The following CLEC3B variants were observed in gnomAD, a reference collection of about 807,000 sequenced individuals.
The protein encoded by CLEC3B is C-type lectin domain family 3 member B.
CLEC3B carries 13 observed loss-of-function variants against 15.4 expected under a neutral mutation model. The ratio of observed to expected loss-of-function variants is 0.84; its 90% confidence interval spans 0.55 to 1.34. The LOEUF is 1.34. CLEC3B is among the 40% of genes most tolerant of loss of function. The probability of loss-of-function intolerance (pLI) is 0.00; values close to 1 mark genes in which losing one functional copy is unlikely to be tolerated. For synonymous variants in CLEC3B, 112 were observed against 114.7 expected (o/e 0.98, Z 0.15); for missense variants, 242 against 268.6 (o/e 0.90, Z 0.69).
At chr3:45,031,034 A>G in intron 2 of CLEC3B, 109 bp downstream of exon 2, 1 of 748,220 alleles carries the variant, frequency 1.3e-6, no homozygotes, top group Non-Finnish European at 2.2e-6. Context: ...TCCTGGCTCC[A>G]TTAGTCCAGG....
chr3:45,035,893 T>C lies in CLEC3B; in HGVS notation c.578T>C (p.Leu193Pro). 4 of 1,584,220 alleles carry C rather than the reference T, an allele frequency of 2.5e-6. No individual in the cohort carries two copies. Among genetic ancestry groups the C allele is most frequent in the Non-Finnish European group, 3.4e-6 (4 of 1,163,422 alleles). Residue 193 changes from leucine to proline, a missense_variant, in exon 3 of 3, where the codon CTG becomes CCG. Transcript: ENST00000296130. ...TTCGACAAGCGCTGCCGCGATCAGC[T>C]GCCCTACATCTGCCAGTTCGGGATC... is the stretch of plus-strand genomic sequence containing the variant. Reference protein sequence around the residue: ...KWFDKRCRDQLPYICQFGIV With the variant: ...KWFDKRCRDQPPYICQFGIV
chr3:45,028,282 G>A (rs1286550395), intron 1 of CLEC3B, among the ~76,000 whole-genome samples: 5 of 152,230 alleles, frequency 3.3e-5, no homozygotes, highest in African/African-American at 4.8e-5. Flanking sequence ...TTGGCCAGGC[G>A]TGGTGGCTCA....
chr3:45,029,914 C>T (rs6792742), intron 1 of CLEC3B, among the ~76,000 whole-genome samples: 72,146 of 152,012 alleles, frequency 0.47, 17,789 homozygotes, highest in East Asian at 0.84. Flanking sequence ...GTTAGGAATC[C>T]GTTTGTGTGC....
At chr3:45,033,476 T>C (rs1349727166) in intron 2 of CLEC3B, among the ~76,000 whole-genome samples, 1 of 152,132 alleles carries the variant, frequency 6.6e-6, no homozygotes, top group East Asian at 1.9e-4. Context: ...GGGGGCAACC[T>C]TTCCCTCCTC....
At chr3:45,033,512 C>T (rs1697595040) in intron 2 of CLEC3B, among the ~76,000 whole-genome samples, 2 of 152,088 alleles carry the variant, frequency 1.3e-5, no homozygotes, top group South Asian at 4.1e-4. Context: ...TGGGAGGTTC[C>T]CACCTGGTAC....
intron 1 of CLEC3B, among the ~76,000 whole-genome samples, chr3:45,029,431 G>A (rs1697525447): frequency 1.3e-5 from 2 of 152,202 alleles, no homozygotes; most frequent in South Asian, 4.1e-4. Context: ...GTACAGTGCT[G>A]CTATAACTGG....
At chr3:45,035,077 G>C (rs1039830442) in intron 2 of CLEC3B, among the ~76,000 whole-genome samples, 28 of 152,216 alleles carry the variant, frequency 1.8e-4, no homozygotes, top group African/African-American at 6.8e-4. Context: ...AATTTGTTAG[G>C]GTGAGCCCTA....
intron 1 of CLEC3B, among the ~76,000 whole-genome samples, chr3:45,027,376 A>G (rs928089477): frequency 6.6e-6 from 1 of 152,206 alleles, no homozygotes; most frequent in African/African-American, 2.4e-5. Context: ...AGTGCAGTGC[A>G]TAAAGGGACA....
intron 1 of CLEC3B, among the ~76,000 whole-genome samples, chr3:45,028,348 G>C (rs2125979401): frequency 1.3e-5 from 2 of 152,320 alleles, no homozygotes; most frequent in Middle Eastern, 6.8e-3. Flanking sequence ...TTGAGGCCAG[G>C]AGTTCAAGAC....
intron 2 of CLEC3B, chr3:45,034,491 C>T (rs1009731142): frequency 2.0e-5 from 3 of 152,194 alleles, no homozygotes; most frequent in African/African-American, 7.2e-5. Context: ...AGCAAGAGGA[C>T]AAATGCAGAC....
At chr3:45,034,151 T>C (rs1697604196) in intron 2 of CLEC3B, among the ~76,000 whole-genome samples, 1 of 152,134 alleles carries the variant, frequency 6.6e-6, no homozygotes, top group Non-Finnish European at 1.5e-5. Flanking sequence ...ACTTTCTTCC[T>C]GCAGCATTCC....
intron 1 of CLEC3B, among the ~76,000 whole-genome samples, chr3:45,030,419 T>C (rs891544814): frequency 3.9e-5 from 6 of 152,198 alleles, no homozygotes; most frequent in Admixed American, 1.3e-4. Context: ...GAGTGCCTGC[T>C]GGTCTGTGTC....
rs1426046536 is a variant in CLEC3B, at chr3:45,026,828, A to G, written c.109+357A>G. The stretch of plus-strand genomic sequence containing the variant: ...ACAGGCTGGGCTTTGGAGTCTTCCA[A>G]CCTGTTTTCTCAACTGTAAAATGGG... On this transcript the variant is annotated intron_variant, in intron 1 of 2. Transcript: ENST00000296130. 3.3e-5 allele frequency among the ~76,000 whole-genome samples: 5 copies of G among 152,100 alleles called. No individual in the cohort carries two copies. The East Asian group carries it at 9.6e-4, about 29-fold the overall frequency.
chr3:45,028,593 A>C lies in CLEC3B; in HGVS notation c.109+2122A>C, dbSNP rs1488604587. On this transcript the variant is annotated intron_variant, in intron 1 of 2. Transcript: ENST00000296130. ...ATCAATAAATAAAATAAAAGTTAAG[A>C]ATTCAGGTGCTTGGGCCCCACCCCT... 2.0e-5 allele frequency among the ~76,000 whole-genome samples: 3 copies of C among 152,088 alleles called. No individual in the cohort carries two copies. The East Asian group carries it at 5.8e-4, about 29-fold the overall frequency.
chr3:45,030,997 T>C, intron 2 of CLEC3B, 72 bp downstream of exon 2: 1 of 1,042,244 alleles, frequency 9.6e-7, no homozygotes, highest in Non-Finnish European at 1.4e-6. Flanking sequence ...CCAGCAATGC[T>C]CTTCTCGCCT....
Position 45,026,550 on chromosome 3 carries a change from C to T in CLEC3B, c.109+79C>T, listed in dbSNP as rs747747932. 1.3e-3 allele frequency: 1,585 copies of T among 1,264,704 alleles called. 1 individual carries two copies. The highest frequency in any genetic ancestry group is 1.7e-3 in the Non-Finnish European group (1,480 of 881,058). The allele number at this position is 1,264,704 out of a possible 1,614,324, so 78.3% of individuals were successfully genotyped here. ...CCTTAGTGTGTCCTCATGCTCCTTTCCTTCATTTTCCTCCTTTTGAGTCAT... is the reference window on the plus strand; with the variant it reads ...CCTTAGTGTGTCCTCATGCTCCTTTTCTTCATTTTCCTCCTTTTGAGTCAT... On this transcript the variant is annotated intron_variant, in intron 1 of 2. Coordinates refer to ENST00000296130, the MANE Select transcript of CLEC3B (RefSeq NM_003278.3).
intron 1 of CLEC3B, 117 bp from the exon 2 acceptor site, chr3:45,030,710 A>G (rs1697541500): frequency 4.3e-6 from 3 of 691,020 alleles, no homozygotes; most frequent in African/African-American, 3.6e-5. Context: ...GAGAGAGAGA[A>G]AGTTTCCCAA....
Position 45,030,676 on chromosome 3 carries a change from A to G in CLEC3B, c.110-151A>G. ...CCCTGGCAGAAGTCACAAGTGGTTA[A>G]TTAGACTACCACCAGCAAGGATAGA... On this transcript the variant is annotated intron_variant, in intron 1 of 2. Transcript: ENST00000296130. The G allele has an allele frequency of 1.1e-5, 7 of 611,650 alleles. No individual in the cohort carries two copies. In the South Asian group the frequency reaches 1.4e-4, roughly 12 times the overall value. The allele number at this position is 611,650 out of a possible 1,614,324, so 37.9% of individuals were successfully genotyped here.
rs754348525 is a variant in CLEC3B, at chr3:45,035,772, G to T, written c.457G>T (p.Ala153Ser). The T allele has an allele frequency of 2.6e-5, 42 of 1,613,592 alleles. No homozygotes were observed. The highest frequency in any genetic ancestry group is 3.2e-5 in the Non-Finnish European group (38 of 1,179,994). The change falls in exon 3 of 3, where the codon GCC becomes TCC. Residue 153 changes from alanine to serine, a missense_variant. Transcript: ENST00000296130. ...TWVDMTGARIAYKNWETEITA... is the reference protein window; with the variant it reads ...TWVDMTGARISYKNWETEITA... Reference sequence around the variant, plus strand: ...GGTGGACATGACCGGCGCCCGCATCGCCTACAAGAACTGGGAGACTGAGAT... The same window carrying T: ...GGTGGACATGACCGGCGCCCGCATCTCCTACAAGAACTGGGAGACTGAGAT...
Sources: allele counts gnomAD v4.1 joint callset (sites outside exome capture counted in the v4.1 genomes callset), GRCh38; gene constraint gnomAD v4.1.1; transcripts MANE v1.5; gene names NCBI Gene and HGNC (gene_info 2026-07-23, HGNC 2026-07-21).